The following RYR2 variants were observed in gnomAD, a reference collection of about 807,000 sequenced individuals.
RYR2 encodes the protein ryanodine receptor 2.
Under a neutral mutation model 601.1 loss-of-function variants are expected in RYR2, and 227 were observed. The ratio of observed to expected loss-of-function variants is 0.38; its 90% confidence interval spans 0.34 to 0.42. RYR2 has a LOEUF of 0.42. RYR2 is among the 10% of genes least tolerant of loss of function. The pLI, the probability that RYR2 is intolerant of heterozygous loss-of-function variation, is 1.00. For synonymous variants in RYR2, 2,223 were observed against 2,175.1 expected, an observed-to-expected ratio of 1.02 and a Z score of -0.61; for missense variants, 4,646 against 6,156.5, an observed-to-expected ratio of 0.75 and a Z score of 8.21.
chr1:237,461,211 A>G (rs918918360), intron 16 of RYR2, among the ~76,000 whole-genome samples: 7 of 152,180 alleles, frequency 4.6e-5, no homozygotes, highest in Admixed American at 1.3e-4. Flanking sequence ...CCATTTTTGA[A>G]CACAGTATCG....
intron 1 of RYR2, among the ~76,000 whole-genome samples, chr1:237,156,521 A>G (rs1316742286): frequency 6.6e-6 from 1 of 152,158 alleles, no homozygotes; most frequent in Non-Finnish European, 1.5e-5. Context: ...ATGCACAACT[A>G]CCTGTTAATG....
intron 23 of RYR2, among the ~76,000 whole-genome samples, chr1:237,510,935 G>C (rs948842475): frequency 6.6e-6 from 1 of 152,210 alleles, no homozygotes; most frequent in Non-Finnish European, 1.5e-5. Context: ...TGCGAAGGTA[G>C]TAGGGTGATT....
intron 84 of RYR2, 85 bp from the exon 85 acceptor site, chr1:237,770,722 A>T (rs1482104920): frequency 1.2e-5 from 10 of 817,836 alleles, no homozygotes; most frequent in Non-Finnish European, 1.9e-5. Context: ...CTAGATCAAC[A>T]TGCAAGTTGT....
chr1:237,183,829 G>C (rs1282111547), intron 1 of RYR2, among the ~76,000 whole-genome samples: 1 of 152,186 alleles, frequency 6.6e-6, no homozygotes, highest in Non-Finnish European at 1.5e-5. Context: ...AGTGAGAAGG[G>C]AGGACATTTA....
At chr1:237,527,914 G>GC (rs1667751629) in intron 24 of RYR2, among the ~76,000 whole-genome samples, 1 of 152,066 alleles carries the variant, frequency 6.6e-6, no homozygotes, top group African/African-American at 2.4e-5. Context: ...GAAATCTCAC[G>GC]CCCTGCTACT....
intron 29 of RYR2, among the ~76,000 whole-genome samples, chr1:237,570,528 G>A (rs886929518): frequency 7.9e-5 from 12 of 151,676 alleles, no homozygotes; most frequent in Non-Finnish European, 1.8e-4. Flanking sequence ...TAGTAGAGAC[G>A]GGGTTTCACC....
intron 1 of RYR2, among the ~76,000 whole-genome samples, chr1:237,098,379 TTGTGTGTA>T (rs1372085845): frequency 0.018 from 1,082 of 58,698 alleles, 6 homozygotes; most frequent in Non-Finnish European, 0.03. Context: ...ATAGTTGCCA[TTGTGTGTA>T]TGTGTGTGTG....
intron 3 of RYR2, chr1:237,352,773 T>C (rs10802607): frequency 0.22 from 102,761 of 459,818 alleles, 12,796 homozygotes; most frequent in East Asian, 0.38. Flanking sequence ...AGTAGATCTG[T>C]ACATTTGTGT....
chr1:237,500,808 G>C lies in RYR2; in HGVS notation c.2301G>C (p.Ser767=). ...CCLDLSAPSI[S]FRINGQPVQG... ...TAGATCTGAGTGCCCCAAGCATCTCGTTCCGAATTAATGGACAACCTGTTC... is the reference window on the plus strand; with the variant it reads ...TAGATCTGAGTGCCCCAAGCATCTCCTTCCGAATTAATGGACAACCTGTTC... The change falls in exon 21 of 105, where the codon TCG becomes TCC. Residue 767 remains serine (S), a synonymous_variant. Transcript: ENST00000366574. 6.2e-7 allele frequency: 1 copy of C among 1,613,986 alleles called. No homozygotes were observed. Among genetic ancestry groups the C allele is most frequent in the Admixed American group, 1.7e-5 (1 of 60,024 alleles).
At chr1:237,739,165 T>C (rs1400644305) in intron 79 of RYR2, among the ~76,000 whole-genome samples, 1 of 152,226 alleles carries the variant, frequency 6.6e-6, no homozygotes, top group African/African-American at 2.4e-5. Flanking sequence ...CTCTAAATCA[T>C]GTGCTTACTG....
At chr1:237,740,023 T>G (rs1323785948) in intron 79 of RYR2, among the ~76,000 whole-genome samples, 2 of 152,218 alleles carry the variant, frequency 1.3e-5, no homozygotes, top group African/African-American at 2.4e-5. Flanking sequence ...CACCTTTTCC[T>G]TCCTGGCAAA....
intron 10 of RYR2, among the ~76,000 whole-genome samples, chr1:237,403,321 A>G (rs1703556660): frequency 6.6e-6 from 1 of 152,244 alleles, no homozygotes; most frequent in South Asian, 2.1e-4. Context: ...TAAGATTTGC[A>G]GTTGATTTCA....
chr1:237,120,528 T>C (rs1375155167), intron 1 of RYR2, among the ~76,000 whole-genome samples: 1 of 152,158 alleles, frequency 6.6e-6, no homozygotes, highest in Non-Finnish European at 1.5e-5. Flanking sequence ...ATGTGCAGAG[T>C]CAAGATGGGT....
At chr1:237,500,166 T>A (rs1210354800) in intron 20 of RYR2, among the ~76,000 whole-genome samples, 3 of 152,182 alleles carry the variant, frequency 2.0e-5, no homozygotes, top group Admixed American at 6.5e-5. Flanking sequence ...GTATTTTTAT[T>A]TTAAATTGAT....
chr1:237,823,305 A>G (rs753941754), intron 101 of RYR2, among the ~76,000 whole-genome samples: 3 of 152,218 alleles, frequency 2.0e-5, no homozygotes, highest in Non-Finnish European at 4.4e-5. Context: ...AGCAACTGCA[A>G]AAGAATGGAA....
rs78205684 is a variant in RYR2, at chr1:237,681,423, T to C, written c.9017+846T>C. On this transcript the variant is annotated intron_variant, in intron 62 of 104. Transcript: ENST00000366574. ...TGAGAGGGTGGAGAAGTGGAAAGAT[T>C]CCTGCACTACGTAACACTGGGGAAT... 3.6e-3 allele frequency among the ~76,000 whole-genome samples: 544 copies of C among 152,280 alleles called. 4 individuals carry two copies. Among genetic ancestry groups the C allele is most frequent in the African/African-American group, 0.012 (516 of 41,552 alleles).
chr1:237,402,554 T>C (rs994662634), intron 10 of RYR2, among the ~76,000 whole-genome samples: 1 of 152,140 alleles, frequency 6.6e-6, no homozygotes, highest in Admixed American at 6.5e-5. Flanking sequence ...TAATATCAGC[T>C]TAGAACTAGC....
chr1:237,157,030 T>C (rs1169284799), intron 1 of RYR2, among the ~76,000 whole-genome samples: 1 of 152,120 alleles, frequency 6.6e-6, no homozygotes, highest in East Asian at 1.9e-4. Context: ...GCACAGTGGC[T>C]CACGCCTGTA....
At chr1:237,778,086 C>A (rs529173920) in intron 87 of RYR2, among the ~76,000 whole-genome samples, 2 of 152,288 alleles carry the variant, frequency 1.3e-5, no homozygotes, top group Admixed American at 1.3e-4. Context: ...TTATTTTAAC[C>A]ACTTCCAATT....
Sources: allele counts gnomAD v4.1 joint callset (sites outside exome capture counted in the v4.1 genomes callset), GRCh38; gene constraint gnomAD v4.1.1; transcripts MANE v1.5; gene names NCBI Gene and HGNC (gene_info 2026-07-23, HGNC 2026-07-21).